The following ADCY8 variants were observed in gnomAD, a reference collection of about 807,000 sequenced individuals.
ADCY8 encodes adenylate cyclase type 8.
Under a neutral mutation model 119.7 loss-of-function variants are expected in ADCY8, and 51 were observed. The observed-to-expected ratio is 0.43, with a 90% confidence interval of 0.34 to 0.54. The LOEUF (loss-of-function observed/expected upper bound fraction) is 0.54. Ranked by LOEUF, ADCY8 falls within the 20% of genes least tolerant of loss-of-function variation. The probability of loss-of-function intolerance (pLI) is 0.03; values close to 1 mark genes in which losing one functional copy is unlikely to be tolerated. For synonymous variants in ADCY8, 665 were observed against 651.0 expected, an observed-to-expected ratio of 1.02 and a Z score of -0.33; for missense variants, 1,383 against 1,598.8, an observed-to-expected ratio of 0.87 and a Z score of 2.30.
chr8:130,863,142 T>A, intron 9 of ADCY8, among the ~76,000 whole-genome samples: 1 of 152,180 alleles, frequency 6.6e-6, no homozygotes, highest in East Asian at 1.9e-4. Context: ...TTATGTAGTT[T>A]GACATTCTCT....
chr8:130,900,143 G>T (rs1485807048), intron 7 of ADCY8, among the ~76,000 whole-genome samples: 1 of 152,156 alleles, frequency 6.6e-6, no homozygotes, highest in African/African-American at 2.4e-5. Context: ...AAGGGCCAGG[G>T]ATATAAAAGG....
At chr8:131,012,450 C>T (rs1823339422) in intron 1 of ADCY8, among the ~76,000 whole-genome samples, 1 of 152,110 alleles carries the variant, frequency 6.6e-6, no homozygotes, top group African/African-American at 2.4e-5. Flanking sequence ...TTTTAAATTT[C>T]CCCAAAGAAG....
At chr8:131,016,122 T>A (rs989291765) in intron 1 of ADCY8, among the ~76,000 whole-genome samples, 6 of 151,860 alleles carry the variant, frequency 4.0e-5, no homozygotes, top group Admixed American at 1.3e-4. Context: ...ATAAATAAAT[T>A]ATCTGGAGTG....
Position 130,780,800 on chromosome 8 carries a change from TCA to T in ADCY8, c.3344_3345del (p.Val1115GlufsTer12). The T allele has an allele frequency of 6.2e-7, 1 of 1,614,190 alleles. No homozygotes were observed. The highest frequency in any genetic ancestry group is 8.5e-7 in the Non-Finnish European group (1 of 1,180,012). On this transcript the variant is annotated frameshift_variant, in exon 18 of 18. Coordinates refer to ENST00000286355, the MANE Select transcript of ADCY8 (RefSeq NM_001115.3). LOFTEE classifies it high-confidence loss of function. ...KPQYDIWGKTVNLASRMDSTG... is the reference protein window; with the variant it reads ...KPQYDIWGKTXNLASRMDSTG... ...GTGCTGTCCATTCGGCTTGCCAGGT[TCA>T]CAGTTTTGCCCCAAATGTCATACTG...
At chr8:131,031,550 A>T (rs1823996812) in intron 1 of ADCY8, among the ~76,000 whole-genome samples, 1 of 152,064 alleles carries the variant, frequency 6.6e-6, no homozygotes, top group African/African-American at 2.4e-5. Context: ...CTTAATCCCA[A>T]ACGTTACAGT....
At chr8:130,938,828 G>C (rs934108582) in intron 4 of ADCY8, among the ~76,000 whole-genome samples, 2 of 152,166 alleles carry the variant, frequency 1.3e-5, no homozygotes, top group African/African-American at 4.8e-5. Flanking sequence ...GCCATCCCAG[G>C]ATTATTTTTA....
intron 15 of ADCY8, among the ~76,000 whole-genome samples, chr8:130,793,249 C>G (rs917756947): frequency 6.6e-6 from 1 of 152,168 alleles, no homozygotes. Flanking sequence ...TCAGTAAGCC[C>G]TTTCTCAGAA....
At chr8:130,993,029 C>A (rs1227555174) in intron 1 of ADCY8, among the ~76,000 whole-genome samples, 1 of 152,054 alleles carries the variant, frequency 6.6e-6, no homozygotes, top group Non-Finnish European at 1.5e-5. Context: ...GAGACATATT[C>A]TTCAGTTATG....
chr8:130,900,966 G>A (rs1018850562), intron 7 of ADCY8, among the ~76,000 whole-genome samples: 2 of 152,100 alleles, frequency 1.3e-5, no homozygotes, highest in Non-Finnish European at 2.9e-5. Flanking sequence ...TCCTATTCCA[G>A]TACTGCTTAT....
intron 3 of ADCY8, among the ~76,000 whole-genome samples, chr8:130,950,436 G>A (rs893684849): frequency 3.3e-5 from 5 of 152,120 alleles, no homozygotes; most frequent in Non-Finnish European, 7.3e-5. Flanking sequence ...GCCGTGTCAG[G>A]GTTTGGGGGC....
intron 6 of ADCY8, among the ~76,000 whole-genome samples, chr8:130,904,969 A>G (rs185265495): frequency 1.6e-4 from 24 of 152,300 alleles, no homozygotes; most frequent in African/African-American, 5.5e-4. Flanking sequence ...TAGATCTCCT[A>G]GATTCAAACC....
intron 5 of ADCY8, among the ~76,000 whole-genome samples, chr8:130,923,154 A>AT (rs1490651008): frequency 6.6e-5 from 10 of 152,174 alleles, no homozygotes; most frequent in African/African-American, 2.4e-4. Flanking sequence ...ATTTAATGAC[A>AT]TTTTGGAACA....
At chr8:130,981,023 A>G (rs979757041) in intron 2 of ADCY8, among the ~76,000 whole-genome samples, 3 of 152,202 alleles carry the variant, frequency 2.0e-5, no homozygotes, top group African/African-American at 7.2e-5. Context: ...ACCAAGAGGC[A>G]GTAATGTTTG....
chr8:130,953,199 GATA>G lies in ADCY8; in HGVS notation c.1111-1204_1111-1202del, dbSNP rs1370249589. On this transcript the variant is annotated intron_variant, in intron 2 of 17. Coordinates refer to ENST00000286355, the MANE Select transcript of ADCY8 (RefSeq NM_001115.3). ...AAAATAGGGTAATTATCATTGATAT[GATA>G]ATAATAGGTCATGTGGAATTATCTA... 2.6e-5 allele frequency among the ~76,000 whole-genome samples: 4 copies of G among 152,110 alleles called. No individual in the cohort carries two copies. In the East Asian group the frequency reaches 7.7e-4, roughly 29 times the overall value.
chr8:130,952,975 A>G lies in ADCY8; in HGVS notation c.1111-977T>C, dbSNP rs151169047. 5.3e-5 allele frequency among the ~76,000 whole-genome samples: 8 copies of G among 152,344 alleles called. No homozygotes were observed. The East Asian group carries it at 1.5e-3, about 29-fold the overall frequency. On this transcript the variant is annotated intron_variant, in intron 2 of 17. Coordinates refer to ENST00000286355, the MANE Select transcript of ADCY8 (RefSeq NM_001115.3). ...CACGCAGCCTGAAAGTGGGTTCCTAACACCAAACAATAATATTTCTATTGT... is the reference window on the plus strand; with the variant it reads ...CACGCAGCCTGAAAGTGGGTTCCTAGCACCAAACAATAATATTTCTATTGT...
chr8:130,792,023 T>C (rs1815439986), intron 15 of ADCY8, among the ~76,000 whole-genome samples: 1 of 152,194 alleles, frequency 6.6e-6, no homozygotes. Flanking sequence ...ATTTTCCTCC[T>C]CCCCATTTTT....
At chr8:130,943,557 A>ATT in intron 3 of ADCY8, 95 bp from the exon 4 acceptor site, 1 of 747,574 alleles carries the variant, frequency 1.3e-6, no homozygotes, top group Non-Finnish European at 2.3e-6. Flanking sequence ...CAGCAGATAA[A>ATT]CTGTCTTTGT....
At chr8:130,789,404 A>G (rs1815355978) in intron 15 of ADCY8, among the ~76,000 whole-genome samples, 1 of 152,134 alleles carries the variant, frequency 6.6e-6, no homozygotes, top group African/African-American at 2.4e-5. Context: ...TTTATATTGA[A>G]TGATTGGTGT....
intron 12 of ADCY8, among the ~76,000 whole-genome samples, chr8:130,830,385 C>A (rs1257611672): frequency 6.6e-6 from 1 of 152,082 alleles, no homozygotes; most frequent in African/African-American, 2.4e-5. Flanking sequence ...GGTCAGCTTT[C>A]CCCACATGAT....
Sources: allele counts gnomAD v4.1 joint callset (sites outside exome capture counted in the v4.1 genomes callset), GRCh38; gene constraint gnomAD v4.1.1; transcripts MANE v1.5; gene names NCBI Gene and HGNC (gene_info 2026-07-23, HGNC 2026-07-21).